Variants in APP observed in about 807,000 individuals in gnomAD.
APP encodes amyloid-beta precursor protein.
In APP, 31 loss-of-function variants were observed where a neutral mutation model predicts 101.4. That is an observed-to-expected ratio of 0.31 (90% CI 0.23 to 0.41). APP has a LOEUF of 0.41. Among genes scored for constraint, APP ranks in the 10% least tolerant of loss-of-function variants. The pLI is 1.00. For missense variants in APP, 839 were observed against 1,003.7 expected (o/e 0.84, Z 2.22); for synonymous variants, 366 against 364.4 (o/e 1.00, Z -0.05).
chr21:26,059,884 C>A (rs1601353957), intron 3 of APP, among the ~76,000 whole-genome samples: 1 of 99,330 alleles, frequency 1.0e-5, no homozygotes, highest in South Asian at 4.1e-4. Context: ...GAGCGAGACT[C>A]CGTCTCAAAA....
intron 13 of APP, among the ~76,000 whole-genome samples, chr21:25,939,144 G>T (rs938280702): frequency 6.6e-6 from 1 of 152,122 alleles, no homozygotes; most frequent in African/African-American, 2.4e-5. Flanking sequence ...AATCACCCAG[G>T]ATTCTGAATC....
chr21:26,115,062 T>C (rs958906811), intron 1 of APP, among the ~76,000 whole-genome samples: 6 of 152,244 alleles, frequency 3.9e-5, no homozygotes, highest in Non-Finnish European at 8.8e-5. Context: ...CTTCAGTTCC[T>C]GTCAGGTTTT....
intron 14 of APP, among the ~76,000 whole-genome samples, chr21:25,906,894 T>C (rs1052594145): frequency 3.9e-5 from 6 of 152,166 alleles, no homozygotes; most frequent in Non-Finnish European, 7.3e-5. Flanking sequence ...AGAAAATGTA[T>C]ATGCAACTCG....
intron 15 of APP, among the ~76,000 whole-genome samples, chr21:25,899,570 G>A (rs2038302756): frequency 6.6e-6 from 1 of 152,126 alleles, no homozygotes; most frequent in Non-Finnish European, 1.5e-5. Flanking sequence ...AGATACTGAG[G>A]TCTCTTAGTA....
chr21:26,129,973 T>C (rs141002801), intron 1 of APP, among the ~76,000 whole-genome samples: 1 of 152,328 alleles, frequency 6.6e-6, no homozygotes, highest in East Asian at 1.9e-4. Flanking sequence ...GATACGGTGA[T>C]AAATTAAAAG....
chr21:26,163,040 C>A (rs1418682013), intron 1 of APP, among the ~76,000 whole-genome samples: 1 of 141,922 alleles, frequency 7.0e-6, no homozygotes, highest in Non-Finnish European at 1.5e-5. Context: ...CCACCCTGGC[C>A]AATGTAGTGA....
chr21:25,980,046 G>C (rs969984620), intron 9 of APP, among the ~76,000 whole-genome samples: 2 of 152,206 alleles, frequency 1.3e-5, no homozygotes, highest in African/African-American at 4.8e-5. Context: ...GCGTGAAGAA[G>C]AGTGGGAGGG....
At chr21:26,167,883 C>A (rs1037549543) in intron 1 of APP, among the ~76,000 whole-genome samples, 2 of 152,146 alleles carry the variant, frequency 1.3e-5, no homozygotes, top group African/African-American at 4.8e-5. Context: ...ATCATGGTTT[C>A]TCATCGATTA....
intron 1 of APP, among the ~76,000 whole-genome samples, chr21:26,115,319 AT>A (rs2062411615): frequency 1.1e-5 from 1 of 88,584 alleles, no homozygotes; most frequent in African/African-American, 3.3e-5. Context: ...CTCAAGTAAA[AT>A]TTTTTCCCCC....
intron 8 of APP, among the ~76,000 whole-genome samples, chr21:25,995,343 C>T (rs2043010858): frequency 6.6e-6 from 1 of 152,156 alleles, no homozygotes; most frequent in Admixed American, 6.5e-5. Flanking sequence ...ATCCTCTTTT[C>T]ACTGTTTTCT....
intron 8 of APP, among the ~76,000 whole-genome samples, chr21:25,983,884 TG>T (rs2042538917): frequency 6.6e-6 from 1 of 152,204 alleles, no homozygotes; most frequent in Non-Finnish European, 1.5e-5. Flanking sequence ...AAGAGTCATG[TG>T]GGGATTTGCA....
intron 5 of APP, among the ~76,000 whole-genome samples, chr21:26,037,092 C>T (rs2045150299): frequency 6.6e-6 from 1 of 152,116 alleles, no homozygotes; most frequent in South Asian, 2.1e-4. Context: ...AACTGGAGGA[C>T]ATATGTTAAG....
rs1406159242 is a variant in APP at position 25,903,354 on chromosome 21, G to A, written c.1963+1670C>T. On this transcript the variant is annotated intron_variant, in intron 15 of 17. Transcript: ENST00000346798. Reference sequence around the variant, plus strand: ...ACTCCACTCCAGCCTGGGGGACACAGCGAGACTCCATCTCAAAAAAAAAAA... The same window carrying A: ...ACTCCACTCCAGCCTGGGGGACACAACGAGACTCCATCTCAAAAAAAAAAA... 2.8e-5 allele frequency among the ~76,000 whole-genome samples: 4 copies of A among 142,680 alleles called. No individual in the cohort carries two copies. In the Admixed American group the frequency reaches 2.8e-4, roughly 10 times the overall value. The allele number at this position is 142,680 out of a possible 152,430, so 93.6% of individuals were successfully genotyped here.
chr21:25,965,129 A>C (rs2041742413), intron 11 of APP, among the ~76,000 whole-genome samples: 1 of 152,244 alleles, frequency 6.6e-6, no homozygotes, highest in African/African-American at 2.4e-5. Context: ...CAGAAAGGAC[A>C]GAAAATGTTT....
At chr21:25,949,842 C>T (rs999394155) in intron 13 of APP, among the ~76,000 whole-genome samples, 2 of 152,176 alleles carry the variant, frequency 1.3e-5, no homozygotes, top group African/African-American at 2.4e-5. Context: ...AGAAAGAACA[C>T]AGATTTTGGA....
At chr21:26,116,951 G>A (rs545507699) in intron 1 of APP, among the ~76,000 whole-genome samples, 1 of 152,028 alleles carries the variant, frequency 6.6e-6, no homozygotes, top group East Asian at 1.9e-4. Flanking sequence ...GCATGATCTC[G>A]GCTCACTGCA....
chr21:26,108,004 T>G (rs1001935033), intron 2 of APP, among the ~76,000 whole-genome samples: 1 of 152,194 alleles, frequency 6.6e-6, no homozygotes. Context: ...TTCCCTGACT[T>G]GCAACATGCA....
At chr21:26,166,046 T>C (rs1483758273) in intron 1 of APP, among the ~76,000 whole-genome samples, 2 of 152,104 alleles carry the variant, frequency 1.3e-5, no homozygotes, top group South Asian at 2.1e-4. Flanking sequence ...AAGAGGAAAA[T>C]TTGCCAAACT....
At position 25,968,325 on chromosome 21, in the gene APP, T is replaced by C. The variant is rs529601105; in HGVS notation, c.1458+6745A>G. Reference sequence around the variant, plus strand: ...ATGCCTGGCTAATTAAAAAAATCTTTTTTTTTTTTTTTTTTTGTAGAGATA... The same window carrying C: ...ATGCCTGGCTAATTAAAAAAATCTTCTTTTTTTTTTTTTTTTGTAGAGATA... On this transcript the variant is annotated intron_variant, in intron 11 of 17. Transcript: ENST00000346798. Among the ~76,000 whole-genome samples the C allele has an allele frequency of 5.8e-3, 857 of 147,904 alleles. 5 individuals are homozygous for C. The highest frequency in any genetic ancestry group is 0.02 in the African/African-American group (815 of 40,254).
Sources: allele counts gnomAD v4.1 joint callset (sites outside exome capture counted in the v4.1 genomes callset), GRCh38; gene constraint gnomAD v4.1.1; transcripts MANE v1.5; gene names NCBI Gene and HGNC (gene_info 2026-07-23, HGNC 2026-07-21).